The following FSTL5 variants were observed in gnomAD, a reference collection of about 807,000 sequenced individuals.
FSTL5 encodes follistatin-related protein 5.
A neutral mutation model predicts 89.1 loss-of-function variants in FSTL5; 62 were observed. The observed-to-expected ratio is 0.70, with a 90% CI of 0.57 to 0.86. The LOEUF (loss-of-function observed/expected upper bound fraction) is 0.86. Among genes scored for constraint, FSTL5 ranks in the 40% least tolerant of loss-of-function variants. The pLI, the probability that FSTL5 is intolerant of heterozygous loss-of-function variation, is 0.00. For missense variants in FSTL5, 1,057 were observed against 1,001.6 expected (o/e 1.06, Z -0.75); for synonymous variants, 383 against 346.2 (o/e 1.11, Z -1.18).
intron 4 of FSTL5, among the ~76,000 whole-genome samples, chr4:161,856,912 GGT>G (rs1338862949): frequency 6.6e-6 from 1 of 152,052 alleles, no homozygotes; most frequent in African/African-American, 2.4e-5. Flanking sequence ...GCCAGATTGT[GGT>G]TAGCATGCTG....
chr4:161,804,949 C>G (rs1729911949), intron 4 of FSTL5, among the ~76,000 whole-genome samples: 1 of 152,046 alleles, frequency 6.6e-6, no homozygotes. Context: ...TTGCCAAAGA[C>G]AGATAGGTCA....
At chr4:161,681,416 A>C (rs548032996) in intron 6 of FSTL5, among the ~76,000 whole-genome samples, 1 of 152,206 alleles carries the variant, frequency 6.6e-6, no homozygotes, top group African/African-American at 2.4e-5. Context: ...TGTAAGTCTC[A>C]AATATGTTTG....
intron 6 of FSTL5, among the ~76,000 whole-genome samples, chr4:161,693,616 G>T: frequency 7.0e-6 from 1 of 143,032 alleles, no homozygotes. Context: ...AACAAATGTT[G>T]ATAGTATTTT....
chr4:161,990,925 C>A (rs534370270), intron 3 of FSTL5, among the ~76,000 whole-genome samples: 1 of 152,214 alleles, frequency 6.6e-6, no homozygotes, highest in Admixed American at 6.5e-5. Flanking sequence ...AACTTGCTGT[C>A]TCCACTCACC....
intron 6 of FSTL5, among the ~76,000 whole-genome samples, chr4:161,702,190 C>T (rs926355981): frequency 1.3e-5 from 2 of 151,950 alleles, no homozygotes; most frequent in Non-Finnish European, 2.9e-5. Flanking sequence ...CATTGCTTAG[C>T]GAAACTCAAG....
At chr4:161,922,631 G>A (rs1489657602) in intron 3 of FSTL5, among the ~76,000 whole-genome samples, 1 of 151,698 alleles carries the variant, frequency 6.6e-6, no homozygotes, top group Admixed American at 6.6e-5. Flanking sequence ...TCTGCTTCCA[G>A]GATCAAACTT....
chr4:161,500,585 A>C (rs191943251), intron 11 of FSTL5, among the ~76,000 whole-genome samples: 355 of 152,226 alleles, frequency 2.3e-3, no homozygotes, highest in Non-Finnish European at 3.7e-3. Flanking sequence ...TTTTAGGAAG[A>C]AAAAGACCAA....
intron 15 of FSTL5, among the ~76,000 whole-genome samples, chr4:161,412,322 G>T (rs1262598392): frequency 1.3e-5 from 2 of 151,926 alleles, no homozygotes; most frequent in African/African-American, 4.8e-5. Flanking sequence ...AGTCTTCACA[G>T]AATTAGAAAT....
At chr4:161,424,024 C>CTTTTTTT (rs11287729) in intron 15 of FSTL5, among the ~76,000 whole-genome samples, 3 of 75,378 alleles carry the variant, frequency 4.0e-5, no homozygotes, top group African/African-American at 1.1e-4. Context: ...GCCCATCATT[C>CTTTTTTT]TTTTTTTTTT....
chr4:162,036,657 T>TA (rs1018681247), intron 2 of FSTL5, among the ~76,000 whole-genome samples: 1 of 151,786 alleles, frequency 6.6e-6, no homozygotes, highest in Non-Finnish European at 1.5e-5. Context: ...GATGGAAGCA[T>TA]AAAAAAATTA....
At chr4:161,751,519 G>T (rs1204565722) in intron 6 of FSTL5, among the ~76,000 whole-genome samples, 1 of 152,258 alleles carries the variant, frequency 6.6e-6, no homozygotes. Context: ...CTGGCACAGG[G>T]ACTCACACTT....
chr4:162,071,171 A>G (rs1158769086), intron 2 of FSTL5, among the ~76,000 whole-genome samples: 1 of 151,456 alleles, frequency 6.6e-6, no homozygotes, highest in Non-Finnish European at 1.5e-5. Context: ...AAATTCCTCC[A>G]ATTAAAAAAT....
At chr4:161,990,049 A>G (rs1308022556) in intron 3 of FSTL5, among the ~76,000 whole-genome samples, 5 of 152,166 alleles carry the variant, frequency 3.3e-5, no homozygotes, top group Non-Finnish European at 5.9e-5. Context: ...TGCATAGGAA[A>G]TAACTTTGTA....
At chr4:161,911,263 T>C (rs933631196) in intron 4 of FSTL5, among the ~76,000 whole-genome samples, 1 of 152,018 alleles carries the variant, frequency 6.6e-6, no homozygotes, top group Non-Finnish European at 1.5e-5. Flanking sequence ...CTATAAATTA[T>C]TATTCTATAT....
chr4:161,895,793 A>G (rs1292286870), intron 4 of FSTL5, among the ~76,000 whole-genome samples: 1 of 152,150 alleles, frequency 6.6e-6, no homozygotes, highest in Non-Finnish European at 1.5e-5. Flanking sequence ...GTATTTTTGC[A>G]TGTGTTAGTG....
chr4:162,062,048 C>T (rs1738734384), intron 2 of FSTL5, among the ~76,000 whole-genome samples: 1 of 151,778 alleles, frequency 6.6e-6, no homozygotes, highest in Non-Finnish European at 1.5e-5. Flanking sequence ...ATCAAAAGGA[C>T]TAGTTATTCA....
At chr4:161,932,468 AAACTAATTATCCTGACAAT>A (rs924093677) in intron 3 of FSTL5, among the ~76,000 whole-genome samples, 1 of 151,772 alleles carries the variant, frequency 6.6e-6, no homozygotes, top group African/African-American at 2.4e-5. Flanking sequence ...AATGGTCTTA[AAACTAATTATCCTGACAAT>A]AACAATGGCT....
chr4:161,386,265 G>A lies in FSTL5; in HGVS notation c.2026C>T (p.Gln676Ter). 1 of 1,613,974 alleles carries A rather than the reference G, an allele frequency of 6.2e-7. No homozygotes were observed. The change falls in exon 16 of 16, where the codon CAG (glutamine) becomes TAG (stop). Residue 676 changes from glutamine (Q) to a stop codon, truncating the protein, a stop_gained. Coordinates refer to ENST00000306100, the MANE Select transcript of FSTL5 (RefSeq NM_020116.5). LOFTEE classifies it low-confidence loss of function (END_TRUNC). ...KPDSTGAVSP[Q>*]VMVDGVTDSV... ...TCAGTTACACCGTCCACCATGACCT[G>A]TGGGGAAACTGCTCCGGTGCTGTCA...
At chr4:162,155,649 A>G (rs983601089) in intron 1 of FSTL5, among the ~76,000 whole-genome samples, 4 of 152,230 alleles carry the variant, frequency 2.6e-5, no homozygotes, top group African/African-American at 9.6e-5. Flanking sequence ...TGAAAATCAC[A>G]TGGGAGCACA....
Sources: gnomAD v4.1 joint callset for allele counts (sites outside exome capture counted in the v4.1 genomes callset) on GRCh38, gnomAD v4.1.1 for gene constraint, MANE v1.5 for transcripts, NCBI Gene and HGNC (gene_info 2026-07-23, HGNC 2026-07-21) for gene names.